ARHGAP24: variants seen among roughly 807,000 people sequenced by gnomAD.
The protein encoded by ARHGAP24 is rho GTPase-activating protein 24.
ARHGAP24 carries 50 observed loss-of-function variants against 76.4 expected under a neutral mutation model. The ratio of observed to expected loss-of-function variants is 0.65; its 90% CI spans 0.52 to 0.83. The LOEUF (loss-of-function observed/expected upper bound fraction) is 0.83, where lower values mean the gene tolerates loss of function less well. Among genes scored for constraint, ARHGAP24 ranks in the 40% least tolerant of loss-of-function variants. The pLI is 0.00. For missense variants in ARHGAP24, 930 were observed against 914.2 expected (o/e 1.02, Z -0.22); for synonymous variants, 345 against 323.3 (o/e 1.07, Z -0.72).
chr4:85,582,850 G>A (rs1422713908), intron 2 of ARHGAP24, among the ~76,000 whole-genome samples: 2 of 152,070 alleles, frequency 1.3e-5, no homozygotes, highest in Non-Finnish European at 2.9e-5. Context: ...TATCTTAGAA[G>A]TAATAATTTA....
intron 4 of ARHGAP24, among the ~76,000 whole-genome samples, chr4:85,937,503 T>C (rs2148821856): frequency 6.6e-6 from 1 of 152,274 alleles, no homozygotes; most frequent in South Asian, 2.1e-4. Context: ...AATTAATATG[T>C]AGTGAAATTA....
At chr4:85,808,049 G>T (rs1308100022) in intron 3 of ARHGAP24, among the ~76,000 whole-genome samples, 3 of 151,904 alleles carry the variant, frequency 2.0e-5, no homozygotes, top group Non-Finnish European at 4.4e-5. Context: ...GTTTTTATTT[G>T]CTTGCTCTGA....
chr4:85,882,276 A>C (rs1321630356), intron 3 of ARHGAP24, among the ~76,000 whole-genome samples: 2 of 152,172 alleles, frequency 1.3e-5, no homozygotes, highest in East Asian at 1.9e-4. Flanking sequence ...CTCTTCTTTA[A>C]AATTTGCAGA....
intron 1 of ARHGAP24, among the ~76,000 whole-genome samples, chr4:85,549,797 T>A (rs554072781): frequency 6.6e-6 from 1 of 152,174 alleles, no homozygotes; most frequent in African/African-American, 2.4e-5. Context: ...CATCTCTCGC[T>A]CCCTTCTTTG....
chr4:85,955,579 T>C (rs1248341767), intron 5 of ARHGAP24, among the ~76,000 whole-genome samples: 1 of 152,160 alleles, frequency 6.6e-6, no homozygotes, highest in Non-Finnish European at 1.5e-5. Flanking sequence ...CTCCAACCTC[T>C]GCCCCCATCT....
At chr4:85,638,399 G>T (rs1186493648) in intron 2 of ARHGAP24, among the ~76,000 whole-genome samples, 1 of 151,986 alleles carries the variant, frequency 6.6e-6, no homozygotes, top group African/African-American at 2.4e-5. Context: ...AACACCTTTG[G>T]CATCACTTGA....
intron 1 of ARHGAP24, among the ~76,000 whole-genome samples, chr4:85,554,622 T>G (rs1726275727): frequency 2.0e-5 from 3 of 152,152 alleles, no homozygotes; most frequent in Admixed American, 2.0e-4. Flanking sequence ...AGTGTGTTTT[T>G]CAGCTCTATC....
chr4:85,733,400 T>C (rs1370742030), intron 3 of ARHGAP24, among the ~76,000 whole-genome samples: 1 of 152,048 alleles, frequency 6.6e-6, no homozygotes, highest in African/African-American at 2.4e-5. Context: ...CCCTAAACTG[T>C]TATTATGAAG....
At chr4:85,486,399 C>T (rs1723052264) in intron 1 of ARHGAP24, among the ~76,000 whole-genome samples, 1 of 152,068 alleles carries the variant, frequency 6.6e-6, no homozygotes, top group African/African-American at 2.4e-5. Context: ...ATTTTTCTTC[C>T]TCAAATATAA....
intron 3 of ARHGAP24, among the ~76,000 whole-genome samples, chr4:85,886,448 C>T (rs950392815): frequency 4.6e-5 from 7 of 152,010 alleles, no homozygotes; most frequent in Non-Finnish European, 7.4e-5. Flanking sequence ...AATTAGTGCA[C>T]CAGAAGGTGG....
rs1022202410 is a variant in ARHGAP24 at position 85,476,747 on chromosome 4, T to G, written c.-21+1188T>G. Reference sequence around the variant, plus strand: ...GCAAAAATGGATGACGCTATTGAACTGGGCATTGTAAAATAAAACACACAG... The same window carrying G: ...GCAAAAATGGATGACGCTATTGAACGGGGCATTGTAAAATAAAACACACAG... On this transcript the variant is annotated intron_variant, in intron 1 of 9. Transcript: ENST00000395184. Among the ~76,000 whole-genome samples, 4 of 152,212 alleles carry G rather than the reference T, an allele frequency of 2.6e-5. No homozygotes were observed. The East Asian group carries it at 7.7e-4, about 29-fold the overall frequency.
chr4:85,853,683 T>G (rs961116387), intron 3 of ARHGAP24, among the ~76,000 whole-genome samples: 5 of 152,102 alleles, frequency 3.3e-5, no homozygotes, highest in Non-Finnish European at 7.4e-5. Context: ...TCCCAGCACT[T>G]TGAGAGGCCA....
chr4:85,705,679 G>T (rs1169575625), intron 2 of ARHGAP24, among the ~76,000 whole-genome samples: 1 of 152,184 alleles, frequency 6.6e-6, no homozygotes, highest in African/African-American at 2.4e-5. Context: ...TAGATGAAGA[G>T]AATGAGGCAG....
rs540978520 is a variant in ARHGAP24 at position 85,665,613 on chromosome 4, T to C, written c.181-56272T>C. Among the ~76,000 whole-genome samples the C allele has an allele frequency of 2.6e-5, 4 of 152,350 alleles. No individual in the cohort carries two copies. In the South Asian group the frequency reaches 6.2e-4, roughly 24 times the overall value. ...TGATGCAGTTTCTTCCTAGCCTCGA[T>C]GGTCTTTACAATTTGGCTTGATTTT... On this transcript the variant is annotated intron_variant, in intron 2 of 9. Transcript: ENST00000395184.
intron 2 of ARHGAP24, among the ~76,000 whole-genome samples, chr4:85,660,095 A>G (rs1036494519): frequency 6.6e-6 from 1 of 152,156 alleles, no homozygotes. Flanking sequence ...TTCAGATTTT[A>G]AAGTCTTTTA....
At chr4:85,658,295 A>G (rs1260446148) in intron 2 of ARHGAP24, among the ~76,000 whole-genome samples, 1 of 152,218 alleles carries the variant, frequency 6.6e-6, no homozygotes, top group Non-Finnish European at 1.5e-5. Context: ...ATTCAATTTA[A>G]AGGAATATGT....
intron 2 of ARHGAP24, among the ~76,000 whole-genome samples, chr4:85,642,596 A>G (rs749377287): frequency 3.4e-4 from 51 of 152,028 alleles, no homozygotes; most frequent in Non-Finnish European, 5.9e-4. Context: ...GCTCACATTC[A>G]TTTGAATAAA....
At position 85,709,666 on chromosome 4, in the gene ARHGAP24, A is replaced by G. The variant is rs570387421; in HGVS notation, c.181-12219A>G. On this transcript the variant is annotated intron_variant, in intron 2 of 9. Transcript: ENST00000395184. The stretch of plus-strand genomic sequence containing the variant: ...AATAAGGAAATCTCCTTCACCTGAT[A>G]TACAACTTCAGCAAAGTCTCAGGAT... Among the ~76,000 whole-genome samples the G allele has an allele frequency of 1.8e-4, 28 of 152,330 alleles. No individual in the cohort carries two copies. The South Asian group carries it at 5.2e-3, about 28-fold the overall frequency.
At chr4:85,797,408 T>C (rs770635329) in intron 3 of ARHGAP24, among the ~76,000 whole-genome samples, 2 of 152,046 alleles carry the variant, frequency 1.3e-5, no homozygotes, top group African/African-American at 2.4e-5. Flanking sequence ...CTCCTGACCT[T>C]GTGATCCACC....
Sources: allele counts gnomAD v4.1 joint callset (sites outside exome capture counted in the v4.1 genomes callset), GRCh38; gene constraint gnomAD v4.1.1; transcripts MANE v1.5; gene names NCBI Gene and HGNC (gene_info 2026-07-23, HGNC 2026-07-21).